BNC2: variants seen among roughly 807,000 people sequenced by gnomAD.
The protein encoded by BNC2 is basonuclin zinc finger protein 2.
In BNC2, 20 loss-of-function variants were observed where a neutral mutation model predicts 76.3. The ratio of observed to expected loss-of-function variants is 0.26; its 90% confidence interval spans 0.18 to 0.38. The LOEUF is 0.38. Ranked by LOEUF, BNC2 falls within the 10% of genes least tolerant of loss-of-function variation. The pLI is 1.00. For missense variants in BNC2, 1,382 were observed against 1,399.8 expected (o/e 0.99, Z 0.20); for synonymous variants, 582 against 514.8 (o/e 1.13, Z -1.77).
intron 3 of BNC2, among the ~76,000 whole-genome samples, chr9:16,710,170 C>T (rs1281539680): frequency 2.6e-5 from 4 of 152,054 alleles, no homozygotes; most frequent in Non-Finnish European, 5.9e-5. Context: ...AATCTCTTCC[C>T]CTCCTACACC....
intron 4 of BNC2, among the ~76,000 whole-genome samples, chr9:16,569,207 T>C (rs558786633): frequency 1.3e-5 from 2 of 152,200 alleles, no homozygotes; most frequent in African/African-American, 4.8e-5. Flanking sequence ...CTATACCTTA[T>C]ATACATTATG....
chr9:16,711,643 T>C (rs1316241799), intron 3 of BNC2, among the ~76,000 whole-genome samples: 1 of 152,254 alleles, frequency 6.6e-6, no homozygotes, highest in Admixed American at 6.5e-5. Flanking sequence ...TAACTCATTT[T>C]GTTTTGTTTC....
chr9:16,504,844 C>T (rs2131830896), intron 5 of BNC2, among the ~76,000 whole-genome samples: 1 of 152,252 alleles, frequency 6.6e-6, no homozygotes, highest in Non-Finnish European at 1.5e-5. Flanking sequence ...GGCAACACAG[C>T]AAGACCTCAT....
intron 1 of BNC2, among the ~76,000 whole-genome samples, chr9:16,751,623 T>TAA (rs1232199650): frequency 3.1e-4 from 15 of 48,942 alleles, no homozygotes; most frequent in Admixed American, 2.3e-4. Context: ...TATGTGTATA[T>TAA]ATATATGTAT....
chr9:16,612,081 C>CAA (rs113203728), intron 3 of BNC2, among the ~76,000 whole-genome samples: 1 of 138,504 alleles, frequency 7.2e-6, no homozygotes, highest in African/African-American at 2.6e-5. Flanking sequence ...AAAACAGAAG[C>CAA]AAAAAAAAAA....
At chr9:16,528,858 T>A (rs1817891944) in intron 5 of BNC2, among the ~76,000 whole-genome samples, 1 of 152,222 alleles carries the variant, frequency 6.6e-6, no homozygotes, top group Non-Finnish European at 1.5e-5. Flanking sequence ...CTGTATTAGT[T>A]TCCTAGGGCT....
chr9:16,737,686 G>A (rs1035447181), intron 2 of BNC2, among the ~76,000 whole-genome samples: 2 of 152,050 alleles, frequency 1.3e-5, no homozygotes, highest in African/African-American at 4.8e-5. Context: ...TTGAAACAGA[G>A]CAAATGTTCA....
intron 3 of BNC2, among the ~76,000 whole-genome samples, chr9:16,710,344 T>C (rs1823800942): frequency 6.6e-6 from 1 of 152,212 alleles, no homozygotes; most frequent in Admixed American, 6.5e-5. Flanking sequence ...TGAAAATAAA[T>C]ATTAGAGATT....
At chr9:16,576,556 T>C (rs930955208) in intron 4 of BNC2, among the ~76,000 whole-genome samples, 7 of 152,150 alleles carry the variant, frequency 4.6e-5, no homozygotes, top group Non-Finnish European at 7.4e-5. Context: ...TATAAGAACA[T>C]AGACTGGGAC....
intron 5 of BNC2, among the ~76,000 whole-genome samples, chr9:16,492,482 T>C (rs1489205809): frequency 1.3e-5 from 2 of 152,238 alleles, no homozygotes; most frequent in Non-Finnish European, 2.9e-5. Flanking sequence ...TAACTGGCTG[T>C]TGGTCCTGGT....
intron 6 of BNC2, among the ~76,000 whole-genome samples, chr9:16,419,957 C>T (rs1033160652): frequency 6.6e-5 from 10 of 152,188 alleles, no homozygotes; most frequent in African/African-American, 2.4e-4. Flanking sequence ...GTTAGTTTTA[C>T]TATGTAGCAG....
At chr9:16,502,320 C>G (rs986155100) in intron 5 of BNC2, among the ~76,000 whole-genome samples, 13 of 152,166 alleles carry the variant, frequency 8.5e-5, no homozygotes, top group Non-Finnish European at 1.9e-4. Context: ...TGCATTCTAG[C>G]CTGGGCGACA....
intron 5 of BNC2, among the ~76,000 whole-genome samples, chr9:16,551,277 A>G (rs1030903556): frequency 5.3e-5 from 8 of 151,842 alleles, no homozygotes; most frequent in African/African-American, 1.9e-4. Flanking sequence ...GGTTATTCCA[A>G]CTCCCTTCCC....
chr9:16,851,880 G>A (rs1819135482), intron 1 of BNC2, among the ~76,000 whole-genome samples: 2 of 152,038 alleles, frequency 1.3e-5, no homozygotes, highest in Admixed American at 1.3e-4. Flanking sequence ...AGGTACAAAG[G>A]ACCCCAAAAC....
intron 3 of BNC2, among the ~76,000 whole-genome samples, chr9:16,598,461 T>C (rs1175551258): frequency 7.2e-5 from 11 of 152,200 alleles, no homozygotes; most frequent in Non-Finnish European, 1.5e-4. Context: ...AAAGTTGCTG[T>C]TCAGAAATCA....
At chr9:16,708,986 G>T (rs540281034) in intron 3 of BNC2, among the ~76,000 whole-genome samples, 1 of 152,156 alleles carries the variant, frequency 6.6e-6, no homozygotes. Flanking sequence ...TATACACTTG[G>T]ATTATCTATC....
At chr9:16,525,064 C>G (rs1817754146) in intron 5 of BNC2, among the ~76,000 whole-genome samples, 1 of 121,834 alleles carries the variant, frequency 8.2e-6, no homozygotes, top group African/African-American at 2.8e-5. Flanking sequence ...AGACAGAGAC[C>G]CGGAGTGGGG....
At chr9:16,558,036 T>C (rs1818892710) in intron 4 of BNC2, among the ~76,000 whole-genome samples, 1 of 152,152 alleles carries the variant, frequency 6.6e-6, no homozygotes, top group African/African-American at 2.4e-5. Context: ...TTTGTAGAGA[T>C]GGGGTTTCCC....
intron 5 of BNC2, among the ~76,000 whole-genome samples, chr9:16,515,963 C>T (rs549867971): frequency 3.3e-4 from 49 of 149,868 alleles, no homozygotes; most frequent in African/African-American, 1.1e-3. Context: ...AAAAGTCAGA[C>T]TGCCACTACC....
Sources: gnomAD v4.1 joint callset for allele counts (sites outside exome capture counted in the v4.1 genomes callset) on GRCh38, gnomAD v4.1.1 for gene constraint, MANE v1.5 for transcripts, NCBI Gene and HGNC (gene_info 2026-07-23, HGNC 2026-07-21) for gene names.